PIGM: variants seen among roughly 807,000 people sequenced by gnomAD.
PIGM encodes the protein GPI alpha-1,4-mannosyltransferase I, catalytic subunit.
Under a neutral mutation model 14.6 loss-of-function variants are expected in PIGM, and 7 were observed. That is an observed-to-expected ratio of 0.48 (90% CI 0.27 to 0.90). The LOEUF (loss-of-function observed/expected upper bound fraction) is 0.90, where lower values mean the gene tolerates loss of function less well. PIGM is among the 40% of genes least tolerant of loss of function. The pLI is 0.12. For missense variants in PIGM, 506 were observed against 516.2 expected (o/e 0.98, Z 0.19); for synonymous variants, 216 against 215.9 (o/e 1.00, Z 0.00).
rs1313389162 is a variant in PIGM at position 160,030,183 on chromosome 1, G to A, written c.*285C>T. On this transcript the variant is annotated 3_prime_UTR_variant, in exon 1 of 1. Coordinates refer to ENST00000368090, the MANE Select transcript of PIGM (RefSeq NM_145167.3). ...CTCTAACTATATTCCTCTATTTTAA[G>A]AATGTTTTAGTATCTGATAGTTTCA... 3 of 374,136 alleles carry A rather than the reference G, an allele frequency of 8.0e-6. No homozygotes were observed. Among genetic ancestry groups the A allele is most frequent in the South Asian group, 2.5e-5 (1 of 39,310 alleles). 23.2% of individuals were successfully genotyped at this position (374,136 alleles called of 1,614,324 possible). A position where few individuals can be genotyped will look rare whatever the true frequency, so the allele number is the denominator to read the frequency against.
rs772168102 is a variant in PIGM, at chr1:160,031,488, G to A, written c.252C>T (p.Leu84=). Residue 84 remains leucine, a synonymous_variant, in exon 1 of 1, where the codon CTC becomes CTT. Coordinates refer to ENST00000368090, the MANE Select transcript of PIGM (RefSeq NM_145167.3). ...YRYTPLLGWL[L]TPNIYLSELF... Reference sequence around the variant, plus strand: ...GCTCGCTGAGGTAGATGTTGGGAGTGAGGAGCCAACCCAGCAGCGGGGTGT... The same window carrying A: ...GCTCGCTGAGGTAGATGTTGGGAGTAAGGAGCCAACCCAGCAGCGGGGTGT... The A allele has an allele frequency of 3.1e-6, 5 of 1,614,156 alleles. No homozygotes were observed. The highest frequency in any genetic ancestry group is 2.2e-5 in the East Asian group (1 of 44,874).
Position 160,031,907 on chromosome 1 carries a change from T to G in PIGM, c.-168A>C. The G allele has an allele frequency of 1.1e-6, 1 of 876,326 alleles. No individual in the cohort carries two copies. The highest frequency in any genetic ancestry group is 1.9e-6 in the Non-Finnish European group (1 of 535,452). The allele number at this position is 876,326 out of a possible 1,614,324, so 54.3% of individuals were successfully genotyped here. On this transcript the variant is annotated 5_prime_UTR_variant, in exon 1 of 1. Transcript: ENST00000368090. Reference sequence around the variant, plus strand: ...CCGGCATGAAGCCCCGCCCCCGTACTGCTACCTGTCTCCAGCCCCGCGCGG... The same window carrying G: ...CCGGCATGAAGCCCCGCCCCCGTACGGCTACCTGTCTCCAGCCCCGCGCGG...
Position 160,031,882 on chromosome 1 carries a change from C to G in PIGM, c.-143G>C. 1 of 1,010,276 alleles carries G rather than the reference C, an allele frequency of 9.9e-7. No individual in the cohort carries two copies. 62.6% of individuals were successfully genotyped at this position (1,010,276 alleles called of 1,614,324 possible). A position where few individuals can be genotyped will look rare whatever the true frequency, so the allele number is the denominator to read the frequency against. ...CCGAAACGACTGCAGACTATCACAT[C>G]CGGCATGAAGCCCCGCCCCCGTACT... On this transcript the variant is annotated 5_prime_UTR_variant, in exon 1 of 1. Transcript: ENST00000368090.
chr1:160,031,216 AAACC>A lies in PIGM; in HGVS notation c.520_523del (p.Gly174SerfsTer5). On this transcript the variant is annotated frameshift_variant, in exon 1 of 1. Coordinates refer to ENST00000368090, the MANE Select transcript of PIGM (RefSeq NM_145167.3). LOFTEE classifies it low-confidence loss of function (END_TRUNC). ...TGGATATATCTTCATATGCACCGCG[AAACC>A]ATAGAATACAGCTGCACACGCGACG... The A allele has an allele frequency of 6.2e-7, 1 of 1,614,184 alleles. No homozygotes were observed. Among genetic ancestry groups the A allele is most frequent in the South Asian group, 1.1e-5 (1 of 91,076 alleles).
In PIGM at chr1:160,031,915, G is replaced by A. The variant is rs1028105831; in HGVS notation, c.-176C>T. On this transcript the variant is annotated 5_prime_UTR_variant, in exon 1 of 1. Transcript: ENST00000368090. ...AAGCCCCGCCCCCGTACTGCTACCT[G>A]TCTCCAGCCCCGCGCGGTCTTCTCA... is the stretch of plus-strand genomic sequence containing the variant. 9.5e-6 allele frequency: 8 copies of A among 841,372 alleles called. No individual in the cohort carries two copies. The highest frequency in any genetic ancestry group is 4.0e-5 in the Admixed American group (2 of 49,538). The allele number at this position is 841,372 out of a possible 1,614,324, so 52.1% of individuals were successfully genotyped here.
Position 160,031,943 on chromosome 1 carries a change from C to G in PIGM, c.-204G>C. ...TCCAGCCCCGCGCGGTCTTCTCAGC[C>G]GCCCGAGCCAAAAACTTGCCTTCCT... On this transcript the variant is annotated 5_prime_UTR_variant, in exon 1 of 1. Transcript: ENST00000368090. 1 of 696,400 alleles carries G rather than the reference C, an allele frequency of 1.4e-6. No individual in the cohort carries two copies. Among genetic ancestry groups the G allele is most frequent in the Non-Finnish European group, 2.6e-6 (1 of 388,740 alleles). 43.1% of individuals were successfully genotyped at this position (696,400 alleles called of 1,614,324 possible). A position where few individuals can be genotyped will look rare whatever the true frequency, so the allele number is the denominator to read the frequency against.
rs1557962877 is a variant in PIGM, at chr1:160,028,570, T to G, written c.*1898A>C. ...CTGCCAATAATAACATTGTTAATTG[T>G]GACCAGCCTATAAACATCTTATTTG... On this transcript the variant is annotated 3_prime_UTR_variant, in exon 1 of 1. Transcript: ENST00000368090. 1 of 152,226 alleles carries G rather than the reference T, an allele frequency of 6.6e-6. No homozygotes were observed. The highest frequency in any genetic ancestry group is 2.1e-4 in the South Asian group (1 of 4,836). The allele number at this position is 152,226 out of a possible 1,614,324, so 9.4% of individuals were successfully genotyped here.
In PIGM at chr1:160,030,922, G is replaced by C. The variant is rs748826008; in HGVS notation, c.818C>G (p.Pro273Arg). ...AGTCAAATACAGCATGTAGAAGTACGGAGAAAAGTTGTGACGGATATCCCG... is the reference window on the plus strand; with the variant it reads ...AGTCAAATACAGCATGTAGAAGTACCGAGAAAAGTTGTGACGGATATCCCG... ...TRRDIRHNFS[P>R]YFYMLYLTAE... The change falls in exon 1 of 1, where the codon CCG becomes CGG. Residue 273 changes from proline to arginine, a missense_variant. Transcript: ENST00000368090. The C allele has an allele frequency of 1.2e-6, 2 of 1,614,156 alleles. No homozygotes were observed. Among genetic ancestry groups the C allele is most frequent in the Non-Finnish European group, 1.7e-6 (2 of 1,180,010 alleles).
rs1382869740 is a variant in PIGM, at chr1:160,029,157, A to G, written c.*1311T>C. 1.3e-5 allele frequency: 2 copies of G among 152,210 alleles called. No individual in the cohort carries two copies. Among genetic ancestry groups the G allele is most frequent in the African/African-American group, 4.8e-5 (2 of 41,452 alleles). 9.4% of individuals were successfully genotyped at this position (152,210 alleles called of 1,614,324 possible). On this transcript the variant is annotated 3_prime_UTR_variant, in exon 1 of 1. Transcript: ENST00000368090. ...TGCTTTAGCAATCAAAAACTTAAAA[A>G]CAAAGGGGTAAGAGGATACTGAAAT...
Position 160,025,004 on chromosome 1 carries a change from G to A in PIGM, c.*5464C>T, listed in dbSNP as rs1055211228. The A allele has an allele frequency of 2.0e-5, 3 of 152,154 alleles. No homozygotes were observed. The highest frequency in any genetic ancestry group is 7.2e-5 in the African/African-American group (3 of 41,412). The allele number at this position is 152,154 out of a possible 1,614,324, so 9.4% of individuals were successfully genotyped here. A position where few individuals can be genotyped will look rare whatever the true frequency, so the allele number is the denominator to read the frequency against. On this transcript the variant is annotated 3_prime_UTR_variant, in exon 1 of 1. Coordinates refer to ENST00000368090, the MANE Select transcript of PIGM (RefSeq NM_145167.3). Reference sequence around the variant, plus strand: ...TTTTCAAAGGAACAGGTCAAGATGAGAATAAAGTTTATGATCAAAGGTAGT... The same window carrying A: ...TTTTCAAAGGAACAGGTCAAGATGAAAATAAAGTTTATGATCAAAGGTAGT...
rs1648153627 is a variant in PIGM, at chr1:160,025,036, T to C, written c.*5432A>G. On this transcript the variant is annotated 3_prime_UTR_variant, in exon 1 of 1. Coordinates refer to ENST00000368090, the MANE Select transcript of PIGM (RefSeq NM_145167.3). Reference sequence around the variant, plus strand: ...GTTTATGATCAAAGGTAGTCAAACATTTATTTTATATAAATATAATTTCCT... The same window carrying C: ...GTTTATGATCAAAGGTAGTCAAACACTTATTTTATATAAATATAATTTCCT... The C allele has an allele frequency of 6.6e-6, 1 of 152,348 alleles. No individual in the cohort carries two copies. The highest frequency in any genetic ancestry group is 1.5e-5 in the Non-Finnish European group (1 of 68,032). 9.4% of individuals were successfully genotyped at this position (152,348 alleles called of 1,614,324 possible). A position where few individuals can be genotyped will look rare whatever the true frequency, so the allele number is the denominator to read the frequency against.
rs2101918605 is a variant in PIGM at position 160,028,965 on chromosome 1, G to A, written c.*1503C>T. 1 of 152,154 alleles carries A rather than the reference G, an allele frequency of 6.6e-6. No individual in the cohort carries two copies. The highest frequency in any genetic ancestry group is 2.4e-5 in the African/African-American group (1 of 41,526). 9.4% of individuals were successfully genotyped at this position (152,154 alleles called of 1,614,324 possible). ...TCTGGGATGCTTCTTATGCTTTTCAGGAGTTTCCCTCACAGGTCTGCATTT... is the reference window on the plus strand; with the variant it reads ...TCTGGGATGCTTCTTATGCTTTTCAAGAGTTTCCCTCACAGGTCTGCATTT... On this transcript the variant is annotated 3_prime_UTR_variant, in exon 1 of 1. Transcript: ENST00000368090.
In PIGM at chr1:160,031,618, C is replaced by G. The variant is rs139936490; in HGVS notation, c.122G>C (p.Arg41Pro). ...ALVFYGVFQD[R>P]TLHVRYTDID... ...GTCCGTATACCTCACGTGCAGGGTC[C>G]GGTCCTGGAAGACGCCATAGAAAAC... The change falls in exon 1 of 1, where the codon CGG (arginine) becomes CCG (proline). Residue 41 changes from arginine (R) to proline (P), a missense_variant. Coordinates refer to ENST00000368090, the MANE Select transcript of PIGM (RefSeq NM_145167.3). 6.2e-6 allele frequency: 10 copies of G among 1,614,068 alleles called. No individual in the cohort carries two copies. Among genetic ancestry groups the G allele is most frequent in the Non-Finnish European group, 8.5e-6 (10 of 1,180,026 alleles).
rs1491248746 is a variant in PIGM at position 160,029,776 on chromosome 1, C to CTTTTTTTT, written c.*691_*692insAAAAAAAA. 116 of 77,416 alleles carry CTTTTTTTT rather than the reference C, an allele frequency of 1.5e-3. 2 individuals carry two copies. The highest frequency in any genetic ancestry group is 4.0e-3 in the African/African-American group (98 of 24,474). 4.8% of individuals were successfully genotyped at this position (77,416 alleles called of 1,614,324 possible). The stretch of plus-strand genomic sequence containing the variant: ...TTTTCTATCTAAAAAGTTGTCCTTT[C>CTTTTTTTT]CTTTTTTTTTTTTTTTTTTTTTTTG... On this transcript the variant is annotated 3_prime_UTR_variant, in exon 1 of 1. Coordinates refer to ENST00000368090, the MANE Select transcript of PIGM (RefSeq NM_145167.3).
rs767262193 is a variant in PIGM, at chr1:160,031,343, G to A, written c.397C>T (p.Leu133Phe). Residue 133 changes from leucine to phenylalanine, a missense_variant, in exon 1 of 1, where the codon CTT (leucine) becomes TTT (phenylalanine). Leu to Phe is a conservative substitution (Grantham distance 22). Coordinates refer to ENST00000368090, the MANE Select transcript of PIGM (RefSeq NM_145167.3). ...QACGYCVFWLLNPLPMAVSSR... is the reference protein window; with the variant it reads ...QACGYCVFWLFNPLPMAVSSR... ...GATACTGCCATAGGCAGGGGGTTAA[G>A]AAGCCAAAAGACACAGTAGCCACAA... The A allele has an allele frequency of 6.2e-7, 1 of 1,610,380 alleles. No homozygotes were observed. Among genetic ancestry groups the A allele is most frequent in the African/African-American group, 1.3e-5 (1 of 74,702 alleles).
At position 160,026,524 on chromosome 1, in the gene PIGM, T is replaced by C. The variant is rs1557962268; in HGVS notation, c.*3944A>G. 1 of 152,226 alleles carries C rather than the reference T, an allele frequency of 6.6e-6. No individual in the cohort carries two copies. The highest frequency in any genetic ancestry group is 1.5e-5 in the Non-Finnish European group (1 of 68,036). 9.4% of individuals were successfully genotyped at this position (152,226 alleles called of 1,614,324 possible). ...GCAAATTGTTGTTGAATTTAGATGATGGCAATATGAGTAGTGTTTAAAATA... is the reference window on the plus strand; with the variant it reads ...GCAAATTGTTGTTGAATTTAGATGACGGCAATATGAGTAGTGTTTAAAATA... On this transcript the variant is annotated 3_prime_UTR_variant, in exon 1 of 1. Transcript: ENST00000368090.
Position 160,025,054 on chromosome 1 carries a change from A to C in PIGM, c.*5414T>G, listed in dbSNP as rs925876329. On this transcript the variant is annotated 3_prime_UTR_variant, in exon 1 of 1. Coordinates refer to ENST00000368090, the MANE Select transcript of PIGM (RefSeq NM_145167.3). ...TCAAACATTTATTTTATATAAATAT[A>C]ATTTCCTTGCCTATATCCATTAGAT... is the stretch of plus-strand genomic sequence containing the variant. The C allele has an allele frequency of 2.0e-5, 3 of 152,228 alleles. No homozygotes were observed. The highest frequency in any genetic ancestry group is 7.2e-5 in the African/African-American group (3 of 41,462). 9.4% of individuals were successfully genotyped at this position (152,228 alleles called of 1,614,324 possible).
rs528652025 is a variant in PIGM at position 160,026,102 on chromosome 1, T to C, written c.*4366A>G. 2 of 152,302 alleles carry C rather than the reference T, an allele frequency of 1.3e-5. No individual in the cohort carries two copies. Among genetic ancestry groups the C allele is most frequent in the South Asian group, 4.1e-4 (2 of 4,824 alleles). 9.4% of individuals were successfully genotyped at this position (152,302 alleles called of 1,614,324 possible). A position where few individuals can be genotyped will look rare whatever the true frequency, so the allele number is the denominator to read the frequency against. ...AAAGAGATTACCACCCCCATGTTTT[T>C]AGGGAGAGAGACAGAAAGTATGACA... On this transcript the variant is annotated 3_prime_UTR_variant, in exon 1 of 1. Transcript: ENST00000368090.
In PIGM at chr1:160,030,368, A is replaced by G; in HGVS notation, c.*100T>C. ...CTGTTGGAACATGGGAACTTTCACTAGAATGCTTAGAATGTTCAGAAAAAA... is the reference window on the plus strand; with the variant it reads ...CTGTTGGAACATGGGAACTTTCACTGGAATGCTTAGAATGTTCAGAAAAAA... On this transcript the variant is annotated 3_prime_UTR_variant, in exon 1 of 1. Coordinates refer to ENST00000368090, the MANE Select transcript of PIGM (RefSeq NM_145167.3). 1.6e-6 allele frequency: 2 copies of G among 1,254,146 alleles called. No individual in the cohort carries two copies. Among genetic ancestry groups the G allele is most frequent in the Admixed American group, 3.4e-5 (2 of 58,482 alleles). The allele number at this position is 1,254,146 out of a possible 1,614,324, so 77.7% of individuals were successfully genotyped here.
Sources: allele counts gnomAD v4.1 joint callset, GRCh38; gene constraint gnomAD v4.1.1; transcripts MANE v1.5; gene names NCBI Gene and HGNC (gene_info 2026-07-23, HGNC 2026-07-21).